Variants in PRKCA observed in about 807,000 individuals in gnomAD.
The protein encoded by PRKCA is protein kinase C alpha.
PRKCA carries 27 observed loss-of-function variants against 87.0 expected under a neutral mutation model. That is an observed-to-expected ratio of 0.31 (90% CI 0.23 to 0.43). PRKCA has a LOEUF of 0.43. Among genes scored for constraint, PRKCA ranks in the 20% least tolerant of loss-of-function variants. PRKCA has a pLI of 1.00. For missense variants in PRKCA, 518 were observed against 852.3 expected, an observed-to-expected ratio of 0.61 and a Z score of 4.88; for synonymous variants, 329 against 311.1, an observed-to-expected ratio of 1.06 and a Z score of -0.61.
At chr17:66,311,423 C>G (rs1398597157) in intron 2 of PRKCA, among the ~76,000 whole-genome samples, 1 of 151,988 alleles carries the variant, frequency 6.6e-6, no homozygotes, top group Non-Finnish European at 1.5e-5. Flanking sequence ...TAAGACCAGC[C>G]CGGGCAACAT....
At chr17:66,348,869 G>A (rs1907565524) in intron 2 of PRKCA, among the ~76,000 whole-genome samples, 1 of 152,298 alleles carries the variant, frequency 6.6e-6, no homozygotes, top group Non-Finnish European at 1.5e-5. Context: ...TTAGTCAGCA[G>A]CAACCAAACT....
At chr17:66,652,706 T>A (rs987132860) in intron 5 of PRKCA, among the ~76,000 whole-genome samples, 1 of 152,190 alleles carries the variant, frequency 6.6e-6, no homozygotes, top group African/African-American at 2.4e-5. Context: ...TGGGCAATGA[T>A]ATCTATGTCT....
At chr17:66,744,468 G>C (rs962970034) in intron 13 of PRKCA, among the ~76,000 whole-genome samples, 1 of 152,152 alleles carries the variant, frequency 6.6e-6, no homozygotes. Context: ...TAGGAATAAA[G>C]GTGGCATTGA....
intron 8 of PRKCA, among the ~76,000 whole-genome samples, chr17:66,712,024 C>T (rs943647181): frequency 6.6e-6 from 1 of 152,130 alleles, no homozygotes; most frequent in African/African-American, 2.4e-5. Context: ...CTCCACCCCG[C>T]CCTTGTCTGT....
At chr17:66,758,600 C>T (rs765433810) in intron 13 of PRKCA, among the ~76,000 whole-genome samples, 1 of 152,168 alleles carries the variant, frequency 6.6e-6, no homozygotes, top group Non-Finnish European at 1.5e-5. Flanking sequence ...ATGCCAAGGC[C>T]AGCAAGAAGC....
At chr17:66,516,832 G>A (rs1966984427) in intron 3 of PRKCA, among the ~76,000 whole-genome samples, 1 of 152,164 alleles carries the variant, frequency 6.6e-6, no homozygotes, top group South Asian at 2.1e-4. Context: ...AGAACAGGGA[G>A]GCTGAGGTGG....
chr17:66,444,093 A>T (rs1055597326), intron 2 of PRKCA, among the ~76,000 whole-genome samples: 3 of 152,206 alleles, frequency 2.0e-5, no homozygotes, highest in Non-Finnish European at 4.4e-5. Context: ...TGTGACTCAA[A>T]TGCCAGTTCC....
At position 66,578,149 on chromosome 17, in the gene PRKCA, AC is replaced by A. The variant is rs1242360963; in HGVS notation, c.289-63205del. 3.2e-4 allele frequency among the ~76,000 whole-genome samples: 48 copies of A among 151,602 alleles called. 4 individuals carry two copies. The highest frequency in any genetic ancestry group is 6.3e-4 in the South Asian group (3 of 4,780). ...GAGACTGAATTTAAAACAAAACAAA[AC>A]AAAACAAAACAGCCCTCATTGTCTC... On this transcript the variant is annotated intron_variant, in intron 3 of 16. Transcript: ENST00000413366.
chr17:66,386,449 G>A (rs546415607), intron 2 of PRKCA, among the ~76,000 whole-genome samples: 1 of 152,268 alleles, frequency 6.6e-6, no homozygotes, highest in Admixed American at 6.5e-5. Context: ...CCAGTTCGTC[G>A]ACTCTGAGCA....
chr17:66,693,806 C>T lies in PRKCA; in HGVS notation c.918+4759C>T, dbSNP rs995867781. Among the ~76,000 whole-genome samples, 8 of 152,308 alleles carry T rather than the reference C, an allele frequency of 5.3e-5. No individual in the cohort carries two copies. The East Asian group carries it at 9.6e-4, about 18-fold the overall frequency. ...TGCAGCTCAAAAGCAGCCACAAATA[C>T]ATAAACAAATGAGTGTTGGTGTATT... On this transcript the variant is annotated intron_variant, in intron 8 of 16. Coordinates refer to ENST00000413366, the MANE Select transcript of PRKCA (RefSeq NM_002737.3).
chr17:66,424,874 C>T (rs910781902), intron 2 of PRKCA, among the ~76,000 whole-genome samples: 6 of 151,884 alleles, frequency 4.0e-5, no homozygotes, highest in Non-Finnish European at 5.9e-5. Flanking sequence ...CTCAGCCTCC[C>T]GAGTAGCTGG....
chr17:66,716,704 C>G (rs1011505451), intron 8 of PRKCA, among the ~76,000 whole-genome samples: 3 of 152,084 alleles, frequency 2.0e-5, no homozygotes, highest in Non-Finnish European at 2.9e-5. Flanking sequence ...AAATCACACA[C>G]CGGGATACTA....
At chr17:66,403,527 CA>C (rs1431379979) in intron 2 of PRKCA, 1 of 152,076 alleles carries the variant, frequency 6.6e-6, no homozygotes, top group Non-Finnish European at 1.5e-5. Context: ...CTTGGCCAAT[CA>C]AAGGGAAAAA....
At chr17:66,713,764 AAAT>A (rs924919838) in intron 8 of PRKCA, among the ~76,000 whole-genome samples, 1 of 152,136 alleles carries the variant, frequency 6.6e-6, no homozygotes, top group Non-Finnish European at 1.5e-5. Context: ...CTTTTTCTGA[AAAT>A]AGACTTGTCA....
intron 3 of PRKCA, among the ~76,000 whole-genome samples, chr17:66,582,392 A>G (rs1292954600): frequency 1.3e-5 from 2 of 152,080 alleles, no homozygotes; most frequent in South Asian, 2.1e-4. Flanking sequence ...AATAATCCCC[A>G]TGTGTCAAGG....
chr17:66,397,816 G>T (rs529539833), intron 2 of PRKCA, among the ~76,000 whole-genome samples: 8 of 152,130 alleles, frequency 5.3e-5, no homozygotes, highest in Admixed American at 2.0e-4. Context: ...GCTGATGCCT[G>T]CATCCTGATG....
chr17:66,673,146 A>G (rs976911095), intron 5 of PRKCA, among the ~76,000 whole-genome samples: 1 of 152,234 alleles, frequency 6.6e-6, no homozygotes, highest in South Asian at 2.1e-4. Context: ...TAGAACTTTA[A>G]TGTAAAATTT....
intron 2 of PRKCA, among the ~76,000 whole-genome samples, chr17:66,390,922 TAG>T (rs775067295): frequency 0.045 from 6,855 of 152,164 alleles, 350 homozygotes; most frequent in African/African-American, 0.13. Context: ...AGGAACCAAG[TAG>T]CAGAGGAAAC....
At chr17:66,741,946 A>T (rs775894100) in intron 12 of PRKCA, among the ~76,000 whole-genome samples, 1 of 152,194 alleles carries the variant, frequency 6.6e-6, no homozygotes, top group Non-Finnish European at 1.5e-5. Context: ...TTTTTCCACA[A>T]GAAAACACAT....
Sources: gnomAD v4.1 joint callset for allele counts (sites outside exome capture counted in the v4.1 genomes callset) on GRCh38, gnomAD v4.1.1 for gene constraint, MANE v1.5 for transcripts, NCBI Gene and HGNC (gene_info 2026-07-23, HGNC 2026-07-21) for gene names.